Variants in TMC2 observed in about 807,000 individuals in gnomAD.
The protein encoded by TMC2 is transmembrane channel-like protein 2.
In TMC2, 102 loss-of-function variants were observed where a neutral mutation model predicts 105.9. The observed-to-expected ratio is 0.96, with a 90% confidence interval of 0.82 to 1.14. The LOEUF is 1.14. TMC2 is among the 50% of genes most tolerant of loss of function. TMC2 has a pLI of 0.00. For missense variants in TMC2, 1,093 were observed against 1,134.3 expected (o/e 0.96, Z 0.52); for synonymous variants, 402 against 422.8 (o/e 0.95, Z 0.60).
At chr20:2,630,054 T>C (rs959430031) in intron 17 of TMC2, among the ~76,000 whole-genome samples, 3 of 152,202 alleles carry the variant, frequency 2.0e-5, no homozygotes, top group African/African-American at 7.2e-5. Flanking sequence ...GCTTTGACAC[T>C]GAACTTAAAA....
chr20:2,600,909 C>G (rs951201678), intron 10 of TMC2, among the ~76,000 whole-genome samples: 2 of 146,156 alleles, frequency 1.4e-5, no homozygotes, highest in African/African-American at 5.1e-5. Flanking sequence ...ATCACTTGAA[C>G]TTAGGAGGCG....
chr20:2,584,307 A>G (rs11696583), intron 7 of TMC2, among the ~76,000 whole-genome samples: 16,772 of 135,806 alleles, frequency 0.12, 1,999 homozygotes, highest in African/African-American at 0.27. Context: ...AGCCGGGCGT[A>G]GTGGCGGGTG....
rs759761533 is a variant in TMC2, at chr20:2,558,687, C to G, written c.314C>G (p.Ala105Gly). The G allele has an allele frequency of 6.2e-7, 1 of 1,602,860 alleles. No homozygotes were observed. Among genetic ancestry groups the G allele is most frequent in the Admixed American group, 1.7e-5 (1 of 58,262 alleles). The change falls in exon 3 of 20, where the codon GCC becomes GGC. Residue 105 changes from alanine to glycine, a missense_variant. Coordinates refer to ENST00000358864, the MANE Select transcript of TMC2 (RefSeq NM_080751.3). This position sits in a 1 kb window ranked among gnomAD's most constrained non-coding sequence, Gnocchi z 4.6. ...GGCAGGAGAAAGCGCGACGAGAGGG[C>G]CTCCTTCCAGGAGCGGACAGCAGCC... ...CEGRRKRDER[A>G]SFQERTAAPK...
intron 12 of TMC2, among the ~76,000 whole-genome samples, chr20:2,611,644 ATT>A (rs1265812646): frequency 6.6e-6 from 1 of 152,112 alleles, no homozygotes; most frequent in African/African-American, 2.4e-5. Context: ...CTGTTCTGTA[ATT>A]GCCAGTTCAT....
intron 9 of TMC2, 87 bp downstream of exon 9, chr20:2,595,054 G>A (rs896104249): frequency 2.1e-6 from 3 of 1,434,830 alleles, no homozygotes; most frequent in Non-Finnish European, 2.9e-6. Flanking sequence ...CCCTTCTGGT[G>A]GGGCATTCAG....
At chr20:2,572,047 C>T (rs909207161) in intron 4 of TMC2, 132 bp from the exon 5 acceptor site, 16 of 705,824 alleles carry the variant, frequency 2.3e-5, no homozygotes, top group Non-Finnish European at 3.6e-5. Flanking sequence ...GTCGTGCCTT[C>T]ATGGAATTTA....
chr20:2,577,703 A>G (rs1228841802), intron 5 of TMC2, among the ~76,000 whole-genome samples: 1 of 152,124 alleles, frequency 6.6e-6, no homozygotes, highest in Admixed American at 6.5e-5. Context: ...ACTTGAGCCC[A>G]GGAGTTTGAG....
chr20:2,589,316 G>T (rs1029727217), intron 7 of TMC2, among the ~76,000 whole-genome samples: 1 of 150,346 alleles, frequency 6.7e-6, no homozygotes, highest in Non-Finnish European at 1.5e-5. Context: ...GTGTGTGTGT[G>T]TGTGTGTGGA....
chr20:2,577,639 T>TGC (rs149745028), intron 5 of TMC2, among the ~76,000 whole-genome samples: 5,508 of 149,306 alleles, frequency 0.037, 307 homozygotes, highest in African/African-American at 0.13. Flanking sequence ...TTTTGATGGA[T>TGC]GGTGGCTCAC....
chr20:2,553,070 C>T (rs1195318302), intron 2 of TMC2, among the ~76,000 whole-genome samples: 5 of 151,930 alleles, frequency 3.3e-5, no homozygotes, highest in Non-Finnish European at 5.9e-5. Flanking sequence ...TTTTTTTGTT[C>T]CCATTTAGTC....
intron 17 of TMC2, 23 bp from the exon 18 acceptor site, chr20:2,635,903 G>C (rs2086638807): frequency 6.2e-7 from 1 of 1,603,224 alleles, no homozygotes; most frequent in African/African-American, 1.3e-5. Flanking sequence ...CGGGACCATA[G>C]GAGGCATGCT....
Position 2,558,211 on chromosome 20 carries a change from C to G in TMC2, c.83-245C>G, listed in dbSNP as rs1378077984. On this transcript the variant is annotated intron_variant, in intron 2 of 19. Transcript: ENST00000358864. The surrounding 1 kb of genome is among the most constrained non-coding windows in gnomAD (Gnocchi z 4.6). ...GGGCAGGACACCTGTCACAGGAGGT[C>G]TTCAAGGGAGACGGGAGGGAGAAGG... 2.2e-6 allele frequency: 2 copies of G among 891,356 alleles called. No homozygotes were observed. The highest frequency in any genetic ancestry group is 3.2e-6 in the Non-Finnish European group (2 of 617,342). The allele number at this position is 891,356 out of a possible 1,614,324, so 55.2% of individuals were successfully genotyped here. A position where few individuals can be genotyped will look rare whatever the true frequency, so the allele number is the denominator to read the frequency against.
chr20:2,546,696 C>T (rs1258111619), intron 2 of TMC2, among the ~76,000 whole-genome samples: 1 of 152,122 alleles, frequency 6.6e-6, no homozygotes, highest in Non-Finnish European at 1.5e-5. Context: ...GTCCTTCCAA[C>T]TGGGGTTCTA....
At chr20:2,627,890 G>A (rs1020637571) in intron 17 of TMC2, among the ~76,000 whole-genome samples, 20 of 152,264 alleles carry the variant, frequency 1.3e-4, no homozygotes, top group Admixed American at 3.3e-4. Flanking sequence ...AAAGAAGGCC[G>A]AGCATGGTGG....
intron 10 of TMC2, 151 bp from the exon 11 acceptor site, chr20:2,601,962 T>A: frequency 2.2e-6 from 1 of 461,798 alleles, no homozygotes; most frequent in Admixed American, 4.1e-5. Flanking sequence ...CTAAAGAAAA[T>A]AATTATCCAT....
At chr20:2,576,231 C>T (rs372987532) in intron 5 of TMC2, among the ~76,000 whole-genome samples, 7 of 152,258 alleles carry the variant, frequency 4.6e-5, no homozygotes, top group African/African-American at 9.6e-5. Flanking sequence ...CAACTAACAA[C>T]CCATCCTAGG....
chr20:2,635,670 G>A (rs1034130792), intron 17 of TMC2, among the ~76,000 whole-genome samples: 1 of 152,162 alleles, frequency 6.6e-6, no homozygotes, highest in Admixed American at 6.5e-5. Context: ...CCCAGAAGAG[G>A]GATGATTCCT....
At chr20:2,576,151 T>A (rs1418731449) in intron 5 of TMC2, among the ~76,000 whole-genome samples, 2 of 152,204 alleles carry the variant, frequency 1.3e-5, no homozygotes, top group Non-Finnish European at 2.9e-5. Context: ...ACATGTAGCT[T>A]GCCTGTGTCT....
chr20:2,619,220 A>G (rs1360242577), intron 16 of TMC2, among the ~76,000 whole-genome samples: 3 of 152,122 alleles, frequency 2.0e-5, no homozygotes, highest in Non-Finnish European at 4.4e-5. Flanking sequence ...GCATGGTCAC[A>G]AGCAGCCGTG....
Sources: allele counts gnomAD v4.1 joint callset (sites outside exome capture counted in the v4.1 genomes callset), GRCh38; gene constraint gnomAD v4.1.1; non-coding constraint Gnocchi (gnomAD v3.1); transcripts MANE v1.5; gene names NCBI Gene and HGNC (gene_info 2026-07-23, HGNC 2026-07-21).